The following MARK4 variants were observed in gnomAD, a reference collection of about 807,000 sequenced individuals.
MARK4 encodes MAP/microtubule affinity-regulating kinase 4.
A neutral mutation model predicts 81.5 loss-of-function variants in MARK4; 19 were observed. That is an observed-to-expected ratio of 0.23 (90% CI 0.16 to 0.34). The LOEUF is 0.34. MARK4 is among the 10% of genes least tolerant of loss of function. MARK4 has a pLI of 1.00. For missense variants in MARK4, 772 were observed against 1,058.8 expected, an observed-to-expected ratio of 0.73 and a Z score of 3.76; for synonymous variants, 436 against 439.0, an observed-to-expected ratio of 0.99 and a Z score of 0.08.
intron 8 of MARK4, among the ~76,000 whole-genome samples, chr19:45,273,748 C>T (rs967986389): frequency 1.3e-5 from 2 of 152,240 alleles, no homozygotes; most frequent in South Asian, 2.1e-4. Context: ...GCAGCTGGGA[C>T]GCTCTGTCCT....
In MARK4 at chr19:45,287,593, A is replaced by G. The variant is rs1970761620; in HGVS notation, c.1423A>G (p.Met475Val). Residue 475 changes from methionine (M) to valine (V), a missense_variant, in exon 13 of 17, where the codon ATG (methionine) becomes GTG (valine). By Grantham distance (21) the Met-to-Val change is conservative (BLOSUM62 1). Coordinates refer to ENST00000262891, the MANE Select transcript of MARK4 (RefSeq NM_001199867.2). ...GSRGLPPSSPMVSSAHNPNKA... is the reference protein window; with the variant it reads ...GSRGLPPSSPVVSSAHNPNKA... ...TCGAGGGCTGCCCCCCTCCAGCCCC[A>G]TGGTCAGCAGCGCCCACAACCCCAA... 2 of 1,598,840 alleles carry G rather than the reference A, an allele frequency of 1.3e-6. No individual in the cohort carries two copies. The highest frequency in any genetic ancestry group is 1.7e-6 in the Non-Finnish European group (2 of 1,169,966).
Position 45,302,489 on chromosome 19 carries a change from G to A in MARK4, c.2038G>A (p.Ala680Thr), listed in dbSNP as rs1363867319. The change falls in exon 17 of 17, where the codon GCC (alanine) becomes ACC (threonine). Residue 680 changes from alanine (A) to threonine (T), a missense_variant. Physicochemically the swap from Ala to Thr is moderately conservative, Grantham distance 58 (BLOSUM62 0). This residue lies in a region of MARK4 where 548 missense variants were observed against 624.3 expected (regional missense o/e 0.88). Transcript: ENST00000262891. This position sits in a 1 kb window ranked among gnomAD's most constrained non-coding sequence, Gnocchi z 4.9. ...PEALMAALRQ[A>T]TAAARCRCRQ... Reference sequence around the variant, plus strand: ...GGCCCTGATGGCAGCTCTGCGCCAGGCCACAGCAGCCGCCCGCTGCCGCTG... The same window carrying A: ...GGCCCTGATGGCAGCTCTGCGCCAGACCACAGCAGCCGCCCGCTGCCGCTG... The A allele has an allele frequency of 1.2e-6, 2 of 1,608,366 alleles. No individual in the cohort carries two copies. Among genetic ancestry groups the A allele is most frequent in the Middle Eastern group, 1.7e-4 (1 of 6,030 alleles).
intron 12 of MARK4, among the ~76,000 whole-genome samples, chr19:45,284,207 C>T (rs1451794528): frequency 1.3e-5 from 2 of 152,042 alleles, no homozygotes; most frequent in Admixed American, 6.6e-5. Flanking sequence ...AGGGTTTCAC[C>T]GTGTTGGCCT....
At chr19:45,278,427 C>A in intron 9 of MARK4, 89 bp from the exon 10 acceptor site, 1 of 1,171,464 alleles carries the variant, frequency 8.5e-7, no homozygotes, top group Non-Finnish European at 1.3e-6. Context: ...GGTGTTAGGC[C>A]TCGGAGGTTT....
At chr19:45,265,628 G>A (rs1178302380) in intron 6 of MARK4, among the ~76,000 whole-genome samples, 2 of 149,892 alleles carry the variant, frequency 1.3e-5, no homozygotes, top group Non-Finnish European at 3.0e-5. Flanking sequence ...AGGGTGCCCA[G>A]GTGTGGGGTA....
intron 14 of MARK4, among the ~76,000 whole-genome samples, chr19:45,297,042 C>CTT (rs1200018670): frequency 4.7e-4 from 59 of 124,780 alleles, no homozygotes; most frequent in Non-Finnish European, 6.2e-4. Context: ...GAGTGAGACT[C>CTT]TGTCTCAAAA....
At chr19:45,263,952 T>C (rs981594480) in intron 4 of MARK4, among the ~76,000 whole-genome samples, 22 of 152,064 alleles carry the variant, frequency 1.4e-4, no homozygotes, top group African/African-American at 5.3e-4. Context: ...TGGGACTTGG[T>C]CCAGTTATTT....
chr19:45,298,302 G>A lies in MARK4; in HGVS notation c.1877+348G>A. On this transcript the variant is annotated intron_variant, in intron 15 of 16. Transcript: ENST00000262891. ...TGACCTGTGTGTGCGGGCATTGGGA[G>A]GGGGCTCTGTGGATGTGAGGGTCTG... 2.7e-6 allele frequency: 4 copies of A among 1,465,820 alleles called. No homozygotes were observed. The South Asian group carries it at 3.4e-5, about 13-fold the overall frequency. 90.8% of individuals were successfully genotyped at this position (1,465,820 alleles called of 1,614,324 possible).
At chr19:45,298,242 T>A in intron 15 of MARK4, 1 of 1,612,852 alleles carries the variant, frequency 6.2e-7, no homozygotes, top group Non-Finnish European at 8.5e-7. Flanking sequence ...GTCCATGCCC[T>A]GTTCTCGCTG....
intron 7 of MARK4, among the ~76,000 whole-genome samples, chr19:45,268,649 G>T (rs987486190): frequency 6.6e-6 from 1 of 151,894 alleles, no homozygotes; most frequent in African/African-American, 2.4e-5. Context: ...GGAGGCTGAG[G>T]CAGGAGGATC....
At chr19:45,264,516 G>C (rs1027115901) in intron 4 of MARK4, among the ~76,000 whole-genome samples, 168 bp from the exon 5 acceptor site, 1 of 151,926 alleles carries the variant, frequency 6.6e-6, no homozygotes, top group Non-Finnish European at 1.5e-5. Flanking sequence ...AAGTGGAAAG[G>C]GTGGTAGAGG....
chr19:45,298,765 G>C (rs779364657), intron 15 of MARK4, among the ~76,000 whole-genome samples: 1 of 152,034 alleles, frequency 6.6e-6, no homozygotes, highest in African/African-American at 2.4e-5. Context: ...TAGGTAGTGC[G>C]AAGTAACTAA....
At chr19:45,296,069 A>T (rs1282537363) in intron 14 of MARK4, among the ~76,000 whole-genome samples, 1 of 152,196 alleles carries the variant, frequency 6.6e-6, no homozygotes, top group Non-Finnish European at 1.5e-5. Context: ...CAGAGAGGTT[A>T]AGTAACTTAT....
chr19:45,253,963 A>G (rs1240976516), intron 1 of MARK4, among the ~76,000 whole-genome samples: 2 of 152,084 alleles, frequency 1.3e-5, no homozygotes, highest in African/African-American at 2.4e-5. Flanking sequence ...CATGGTGCGG[A>G]TTTGAGGATG....
chr19:45,300,344 GAAAAAAAAAAA>G (rs745730201), intron 16 of MARK4, among the ~76,000 whole-genome samples: 7 of 32,338 alleles, frequency 2.2e-4, no homozygotes, highest in East Asian at 3.8e-3. Context: ...AACTCCGTCT[GAAAAAAAAAAA>G]AAAAAAAAAA....
chr19:45,289,050 C>T (rs1231983674), intron 13 of MARK4, among the ~76,000 whole-genome samples: 2 of 152,032 alleles, frequency 1.3e-5, no homozygotes, highest in Admixed American at 6.6e-5. Flanking sequence ...GACCAGGGTG[C>T]ACACAGGTGT....
At position 45,302,851 on chromosome 19, in the gene MARK4, C is replaced by T. The variant is rs1970996504; in HGVS notation, c.*141C>T. ...TTATATTTGGGGGCAAAGATTGTCC[C>T]CTCTGCTGTTCTCTGGGGCCGCTCA... On this transcript the variant is annotated 3_prime_UTR_variant, in exon 17 of 17. Transcript: ENST00000262891. This position sits in a 1 kb window ranked among gnomAD's most constrained non-coding sequence, Gnocchi z 4.9. 1 of 1,323,552 alleles carries T rather than the reference C, an allele frequency of 7.6e-7. No individual in the cohort carries two copies. The highest frequency in any genetic ancestry group is 2.5e-5 in the East Asian group (1 of 39,560). The allele number at this position is 1,323,552 out of a possible 1,614,324, so 82.0% of individuals were successfully genotyped here.
intron 8 of MARK4, among the ~76,000 whole-genome samples, chr19:45,274,469 A>C (rs1970573254): frequency 6.6e-6 from 1 of 151,826 alleles, no homozygotes; most frequent in Non-Finnish European, 1.5e-5. Context: ...CGTCTCTACC[A>C]AAAACACAAA....
intron 16 of MARK4, 56 bp downstream of exon 16, chr19:45,299,911 CCCGACACTTA>C: frequency 6.5e-7 from 1 of 1,541,374 alleles, no homozygotes; most frequent in Non-Finnish European, 8.8e-7. Context: ...CTCAGCACCT[CCCGACACTTA>C]CCCCAGGGCA....
Sources: allele counts gnomAD v4.1 joint callset (sites outside exome capture counted in the v4.1 genomes callset), GRCh38; gene constraint gnomAD v4.1.1; regional missense constraint gnomAD v4.1.1; non-coding constraint Gnocchi (gnomAD v3.1); transcripts MANE v1.5; gene names NCBI Gene and HGNC (gene_info 2026-07-23, HGNC 2026-07-21).